Variants in MAD1L1 observed in about 807,000 individuals in gnomAD.
MAD1L1 encodes the protein mitotic spindle assembly checkpoint protein MAD1.
Under a neutral mutation model 96.9 loss-of-function variants are expected in MAD1L1, and 95 were observed. That is an observed-to-expected ratio of 0.98 (90% confidence interval 0.83 to 1.16). The LOEUF is 1.16. Ranked by LOEUF, MAD1L1 falls within the 50% of genes most tolerant of loss-of-function variation. The pLI, the probability that MAD1L1 is intolerant of heterozygous loss-of-function variation, is 0.00. For missense variants in MAD1L1, 1,007 were observed against 954.4 expected, an observed-to-expected ratio of 1.06 and a Z score of -0.73; for synonymous variants, 473 against 396.6, an observed-to-expected ratio of 1.19 and a Z score of -2.29.
At chr7:1,935,529 G>A (rs952494492) in intron 17 of MAD1L1, among the ~76,000 whole-genome samples, 2 of 152,198 alleles carry the variant, frequency 1.3e-5, no homozygotes, top group African/African-American at 4.8e-5. Flanking sequence ...TTATGGGGGT[G>A]GGGCACAAGA....
At chr7:2,117,849 A>T (rs116797323) in intron 11 of MAD1L1, among the ~76,000 whole-genome samples, 3,464 of 152,190 alleles carry the variant, frequency 0.023, 110 homozygotes, top group African/African-American at 0.079. Context: ...GAAGCACCCA[A>T]CCATGAAGTG....
At chr7:2,140,830 G>A (rs1345679379) in intron 11 of MAD1L1, among the ~76,000 whole-genome samples, 1 of 152,222 alleles carries the variant, frequency 6.6e-6, no homozygotes, top group Non-Finnish European at 1.5e-5. Context: ...CTCAGAAAGT[G>A]ATTGCATTTG....
At chr7:2,224,712 G>A (rs1264655765) in intron 4 of MAD1L1, among the ~76,000 whole-genome samples, 1 of 152,182 alleles carries the variant, frequency 6.6e-6, no homozygotes, top group Non-Finnish European at 1.5e-5. Context: ...CAACTGATCA[G>A]CACTGACTGA....
intron 18 of MAD1L1, among the ~76,000 whole-genome samples, chr7:1,857,784 G>A (rs1187637447): frequency 1.3e-5 from 2 of 152,224 alleles, no homozygotes; most frequent in South Asian, 2.1e-4. Context: ...AGGCCAGCAC[G>A]ACGCCCCCTC....
At chr7:2,122,301 A>G (rs1344800033) in intron 11 of MAD1L1, among the ~76,000 whole-genome samples, 1 of 152,200 alleles carries the variant, frequency 6.6e-6, no homozygotes, top group African/African-American at 2.4e-5. Flanking sequence ...GTCTTAAAAT[A>G]TTATCTAGCA....
intron 10 of MAD1L1, among the ~76,000 whole-genome samples, chr7:2,201,461 G>A (rs1453624661): frequency 3.9e-5 from 6 of 152,186 alleles, no homozygotes; most frequent in Non-Finnish European, 7.4e-5. Flanking sequence ...ACCCCAGTAA[G>A]CACCCATGAG....
intron 13 of MAD1L1, among the ~76,000 whole-genome samples, chr7:2,009,656 C>T (rs920307484): frequency 1.6e-4 from 24 of 152,322 alleles, no homozygotes; most frequent in African/African-American, 5.8e-4. Context: ...ACAGAGCACA[C>T]AACAGGCAGT....
At position 2,167,679 on chromosome 7, in the gene MAD1L1, A is replaced by G. The variant is rs112315143; in HGVS notation, c.987-18441T>C. The stretch of plus-strand genomic sequence containing the variant: ...CGGGAGTTCGAGGCAGTAGTGAGCT[A>G]TGATCACATCACTGCACTCCAACCT... On this transcript the variant is annotated intron_variant, in intron 10 of 18. Coordinates refer to ENST00000265854, the MANE Select transcript of MAD1L1 (RefSeq NM_001013836.2). Among the ~76,000 whole-genome samples, 26 of 152,154 alleles carry G rather than the reference A, an allele frequency of 1.7e-4. 1 individual carries two copies. Among genetic ancestry groups the G allele is most frequent in the African/African-American group, 6.0e-4 (25 of 41,528 alleles).
intron 16 of MAD1L1, among the ~76,000 whole-genome samples, chr7:1,950,424 G>A (rs1024566951): frequency 6.6e-6 from 1 of 152,218 alleles, no homozygotes; most frequent in South Asian, 2.1e-4. Flanking sequence ...AGCAGATGAA[G>A]GACTCTCAGC....
At chr7:2,171,067 C>T (rs537908985) in intron 10 of MAD1L1, among the ~76,000 whole-genome samples, 4 of 152,342 alleles carry the variant, frequency 2.6e-5, no homozygotes, top group African/African-American at 9.6e-5. Context: ...TGCTTCAAAA[C>T]GGCCCAATTT....
intron 18 of MAD1L1, among the ~76,000 whole-genome samples, chr7:1,818,222 G>GC (rs1346241704): frequency 6.6e-6 from 1 of 152,056 alleles, no homozygotes; most frequent in African/African-American, 2.4e-5. Flanking sequence ...TCCTCAGCCG[G>GC]CCCTTCGCCC....
At chr7:1,855,754 A>G (rs985161268) in intron 18 of MAD1L1, among the ~76,000 whole-genome samples, 4 of 152,048 alleles carry the variant, frequency 2.6e-5, no homozygotes, top group African/African-American at 7.2e-5. Context: ...TCTCGGCAAC[A>G]TCTGCTTTTC....
At chr7:1,881,671 C>T (rs145982711) in intron 18 of MAD1L1, among the ~76,000 whole-genome samples, 3 of 152,120 alleles carry the variant, frequency 2.0e-5, no homozygotes, top group East Asian at 1.9e-4. Context: ...AAAATGCTCA[C>T]GATATAGTGT....
At chr7:2,116,580 G>C (rs918904913) in intron 11 of MAD1L1, among the ~76,000 whole-genome samples, 19 of 148,702 alleles carry the variant, frequency 1.3e-4, no homozygotes, top group Admixed American at 6.0e-4. Flanking sequence ...GGGGGGGGGG[G>C]GCTCCTGTGT....
rs563822104 is a variant in MAD1L1 at position 1,890,787 on chromosome 7, G to A, written c.1998+7413C>T. Among the ~76,000 whole-genome samples, 4 of 152,314 alleles carry A rather than the reference G, an allele frequency of 2.6e-5. No individual in the cohort carries two copies. In the South Asian group the frequency reaches 8.3e-4, roughly 32 times the overall value. ...TGCTCACGGGCCCCACTTTGTCCTT[G>A]GGGAGCTGAGGCCAGAAGTCATTTC... is the stretch of plus-strand genomic sequence containing the variant. On this transcript the variant is annotated intron_variant, in intron 18 of 18. Coordinates refer to ENST00000265854, the MANE Select transcript of MAD1L1 (RefSeq NM_001013836.2).
chr7:2,043,543 G>A (rs1161959039), intron 12 of MAD1L1, among the ~76,000 whole-genome samples: 1 of 152,248 alleles, frequency 6.6e-6, no homozygotes, highest in Non-Finnish European at 1.5e-5. Context: ...GCGGGCTTGG[G>A]AACGTGATGC....
chr7:2,219,558 C>T lies in MAD1L1; in HGVS notation c.472-102G>A, dbSNP rs907823504. On this transcript the variant is annotated intron_variant, in intron 5 of 18. Transcript: ENST00000265854. ...AAGAGTGGAGAGGCGACACCACCCA[C>T]GTGCTATAATCAGGGCAGGAGGCAG... 10 of 1,300,862 alleles carry T rather than the reference C, an allele frequency of 7.7e-6. No homozygotes were observed. In the African/African-American group the frequency reaches 1.0e-4, roughly 14 times the overall value. 80.6% of individuals were successfully genotyped at this position (1,300,862 alleles called of 1,614,324 possible).
rs528334356 is a variant in MAD1L1, at chr7:1,966,311, C to T, written c.1506-8592G>A. Among the ~76,000 whole-genome samples, 4 of 152,328 alleles carry T rather than the reference C, an allele frequency of 2.6e-5. No individual in the cohort carries two copies. The South Asian group carries it at 6.2e-4, about 24-fold the overall frequency. ...ATGCTCAGGACATAACCCCAAATTA[C>T]TCGGCACATGAAGAACCACAGAGAT... On this transcript the variant is annotated intron_variant, in intron 15 of 18. Coordinates refer to ENST00000265854, the MANE Select transcript of MAD1L1 (RefSeq NM_001013836.2).
intron 4 of MAD1L1, among the ~76,000 whole-genome samples, chr7:2,224,128 T>C (rs1157351551): frequency 2.0e-5 from 3 of 152,164 alleles, no homozygotes; most frequent in Non-Finnish European, 4.4e-5. Context: ...ATGGAGATCC[T>C]GGGCAGAGTC....
Sources: allele counts gnomAD v4.1 joint callset (sites outside exome capture counted in the v4.1 genomes callset), GRCh38; gene constraint gnomAD v4.1.1; transcripts MANE v1.5; gene names NCBI Gene and HGNC (gene_info 2026-07-23, HGNC 2026-07-21).